LRCH3: variants seen among roughly 807,000 people sequenced by gnomAD.
The protein encoded by LRCH3 is leucine rich repeats and calponin homology domain containing 3, also known as DISP complex protein LRCH3.
LRCH3 carries 68 observed loss-of-function variants against 104.5 expected under a neutral mutation model. That is an observed-to-expected ratio of 0.65 (90% confidence interval 0.54 to 0.80). LRCH3 has a LOEUF of 0.80. Ranked by LOEUF, LRCH3 falls within the 30% of genes least tolerant of loss-of-function variation. The probability of loss-of-function intolerance (pLI) is 0.00; values close to 1 mark genes in which losing one functional copy is unlikely to be tolerated. For missense variants in LRCH3, 951 were observed against 953.9 expected, an observed-to-expected ratio of 1.00 and a Z score of 0.04; for synonymous variants, 344 against 361.3, an observed-to-expected ratio of 0.95 and a Z score of 0.54.
chr3:197,817,184 A>G lies in LRCH3; in HGVS notation c.416A>G (p.Gln139Arg). Residue 139 changes from glutamine to arginine, a missense_variant, in exon 3 of 21, where the codon CAA becomes CGA. Transcript: ENST00000425562. ...ALTFLNISRN[Q>R]LSTLPVHLCN... ...TCTACTTACCCATTTAGTCGGAACC[A>G]ACTGTCAACATTGCCGGTACACTTG... The G allele has an allele frequency of 6.3e-7, 1 of 1,598,422 alleles. No homozygotes were observed. Among genetic ancestry groups the G allele is most frequent in the South Asian group, 1.1e-5 (1 of 88,842 alleles).
chr3:197,809,814 G>A (rs1321448592), intron 1 of LRCH3, among the ~76,000 whole-genome samples: 1 of 152,092 alleles, frequency 6.6e-6, no homozygotes, highest in Non-Finnish European at 1.5e-5. Flanking sequence ...TTTGTTACAA[G>A]AGAGTCTGTA....
chr3:197,832,567 A>G (rs767596658), intron 8 of LRCH3, among the ~76,000 whole-genome samples: 2 of 152,182 alleles, frequency 1.3e-5, no homozygotes, highest in Non-Finnish European at 2.9e-5. Context: ...TATTAGAGAC[A>G]GTACACCTGG....
At chr3:197,881,466 TTTG>T (rs1460888359) in intron 20 of LRCH3, 32 of 985,364 alleles carry the variant, frequency 3.2e-5, no homozygotes, top group Non-Finnish European at 3.7e-5. Flanking sequence ...CCAGATTGTG[TTTG>T]TTATGTGTGA....
At chr3:197,820,540 G>T in intron 4 of LRCH3, 110 bp downstream of exon 4, 1 of 708,428 alleles carries the variant, frequency 1.4e-6, no homozygotes, top group Admixed American at 2.8e-5. Context: ...GCTGGGCGCT[G>T]TGGCTCCTGC....
At chr3:197,812,100 G>A (rs1428363959) in intron 1 of LRCH3, among the ~76,000 whole-genome samples, 1 of 152,076 alleles carries the variant, frequency 6.6e-6, no homozygotes, top group Non-Finnish European at 1.5e-5. Flanking sequence ...CTGTTGTGCA[G>A]CTATCACCAA....
chr3:197,851,102 G>A (rs530749814), intron 12 of LRCH3: 3 of 568,358 alleles, frequency 5.3e-6, no homozygotes, highest in African/African-American at 1.9e-5. Context: ...GAACAAGGCA[G>A]GTTGGCTCTG....
rs1186386134 is a variant in LRCH3 at position 197,800,662 on chromosome 3, A to T, written c.262+9122A>T. On this transcript the variant is annotated intron_variant, in intron 1 of 20. Transcript: ENST00000425562. ...CTGTGACTCAGAAATTCCACTCTTGAGATAAATCTCTCAGAGAAAGTTGTG... is the reference window on the plus strand; with the variant it reads ...CTGTGACTCAGAAATTCCACTCTTGTGATAAATCTCTCAGAGAAAGTTGTG... Among the ~76,000 whole-genome samples, 7 of 152,218 alleles carry T rather than the reference A, an allele frequency of 4.6e-5. No individual in the cohort carries two copies. In the East Asian group the frequency reaches 1.3e-3, roughly 29 times the overall value.
chr3:197,836,056 A>G (rs1020013859), intron 9 of LRCH3, among the ~76,000 whole-genome samples: 1 of 152,224 alleles, frequency 6.6e-6, no homozygotes, highest in African/African-American at 2.4e-5. Flanking sequence ...AGAATTTTGC[A>G]GGAGGAATAA....
chr3:197,862,595 T>G (rs73892153), intron 15 of LRCH3, among the ~76,000 whole-genome samples: 5,005 of 152,296 alleles, frequency 0.033, 260 homozygotes, highest in African/African-American at 0.11. Context: ...CTTTTTGTAT[T>G]ATTGGTCCTT....
intron 19 of LRCH3, among the ~76,000 whole-genome samples, chr3:197,874,926 CTT>C (rs57326379): frequency 2.8e-5 from 4 of 144,772 alleles, no homozygotes; most frequent in Admixed American, 6.9e-5. Context: ...TGCAACAGTT[CTT>C]TTTTTTTTTT....
In LRCH3 at chr3:197,812,504, G is replaced by GTTTTTTTT. The variant is rs71623380; in HGVS notation, c.263-2385_263-2378dup. Among the ~76,000 whole-genome samples, 65 of 48,970 alleles carry GTTTTTTTT rather than the reference G, an allele frequency of 1.3e-3. 21 individuals carry two copies. The highest frequency in any genetic ancestry group is 2.8e-3 in the East Asian group (4 of 1,436). 32.1% of individuals were successfully genotyped at this position (48,970 alleles called of 152,430 possible). On this transcript the variant is annotated intron_variant, in intron 1 of 20. Coordinates refer to ENST00000425562, the MANE Select transcript of LRCH3 (RefSeq NM_001365715.1). ...ATATCTGTTCAAGTCTCTGCTTTCA[G>GTTTTTTTT]TTTTTTTTTTTTTTTTTTTTTTTTT...
intron 20 of LRCH3, among the ~76,000 whole-genome samples, chr3:197,879,478 C>G (rs4276236): frequency 0.14 from 20,140 of 148,016 alleles, 1,902 homozygotes; most frequent in African/African-American, 0.25. Context: ...AACCCCGTCT[C>G]TACTAAAAAT....
chr3:197,870,535 T>A (rs964789958), intron 18 of LRCH3, among the ~76,000 whole-genome samples: 7 of 152,078 alleles, frequency 4.6e-5, no homozygotes, highest in Non-Finnish European at 7.4e-5. Context: ...CCAGCTAGTT[T>A]TTGTATTTTT....
At chr3:197,880,188 A>G (rs542061723) in intron 20 of LRCH3, among the ~76,000 whole-genome samples, 2,785 of 151,222 alleles carry the variant, frequency 0.018, 98 homozygotes, top group African/African-American at 0.06. Flanking sequence ...CTCGTGATCC[A>G]CCCGCCTCGG....
Position 197,854,472 on chromosome 3 carries a change from T to A in LRCH3, c.1644+27T>A. The A allele has an allele frequency of 1.2e-6, 2 of 1,607,686 alleles. No homozygotes were observed. Among genetic ancestry groups the A allele is most frequent in the Non-Finnish European group, 1.7e-6 (2 of 1,174,092 alleles). Reference sequence around the variant, plus strand: ...TAAGAGTTTTGCACAAAACGGAGTTTCGCATTTCTGTGTTTAGAGATTGTA... The same window carrying A: ...TAAGAGTTTTGCACAAAACGGAGTTACGCATTTCTGTGTTTAGAGATTGTA... On this transcript the variant is annotated intron_variant, in intron 14 of 20. Transcript: ENST00000425562. The surrounding 1 kb of genome is among the most constrained non-coding windows in gnomAD (Gnocchi z 4.5).
At chr3:197,809,843 C>T (rs944807857) in intron 1 of LRCH3, among the ~76,000 whole-genome samples, 3 of 152,088 alleles carry the variant, frequency 2.0e-5, no homozygotes, top group Non-Finnish European at 4.4e-5. Flanking sequence ...CTGAAGCATT[C>T]TTAGGATGGT....
chr3:197,851,096 A>G, intron 12 of LRCH3: 3 of 576,780 alleles, frequency 5.2e-6, no homozygotes, highest in Non-Finnish European at 9.5e-6. Context: ...TGATTAGAAC[A>G]AGGCAGGTTG....
intron 1 of LRCH3, among the ~76,000 whole-genome samples, chr3:197,793,918 A>C (rs1305058114): frequency 6.6e-6 from 1 of 152,264 alleles, no homozygotes; most frequent in Non-Finnish European, 1.5e-5. Flanking sequence ...TTTTAAACAG[A>C]TAATTTAATG....
In LRCH3 at chr3:197,875,745, A is replaced by G. The variant is rs1712815212; in HGVS notation, c.2178A>G (p.Leu726=). The stretch of plus-strand genomic sequence containing the variant: ...GCAGGCGAAATGTGGAAAATTTCCT[A>G]GAAGCTTGCAGAAAAATTGGTGTAC... ...AKCRRNVENF[L]EACRKIGVPQ... Residue 726 remains leucine (L), a synonymous_variant, in exon 20 of 21, where the codon CTA becomes CTG. Coordinates refer to ENST00000425562, the MANE Select transcript of LRCH3 (RefSeq NM_001365715.1). 1 of 1,534,752 alleles carries G rather than the reference A, an allele frequency of 6.5e-7. No homozygotes were observed. The highest frequency in any genetic ancestry group is 8.7e-7 in the Non-Finnish European group (1 of 1,146,528).
Sources: gnomAD v4.1 joint callset for allele counts (sites outside exome capture counted in the v4.1 genomes callset) on GRCh38, gnomAD v4.1.1 for gene constraint, Gnocchi (gnomAD v3.1) non-coding constraint, MANE v1.5 for transcripts, NCBI Gene and HGNC (gene_info 2026-07-23, HGNC 2026-07-21) for gene names.